RAD51B: variants seen among roughly 807,000 people sequenced by gnomAD.
The protein encoded by RAD51B is RAD51 paralog B, also known as DNA repair protein RAD51 homolog 2.
Under a neutral mutation model 42.2 loss-of-function variants are expected in RAD51B, and 38 were observed. The observed-to-expected ratio is 0.90, with a 90% CI of 0.70 to 1.18. The LOEUF (loss-of-function observed/expected upper bound fraction) is 1.18, where lower values mean the gene tolerates loss of function less well. Ranked by LOEUF, RAD51B falls within the 50% of genes most tolerant of loss-of-function variation. The pLI, the probability that RAD51B is intolerant of heterozygous loss-of-function variation, is 0.00. For missense variants in RAD51B, 373 were observed against 400.7 expected, an observed-to-expected ratio of 0.93 and a Z score of 0.59; for synonymous variants, 154 against 145.2, an observed-to-expected ratio of 1.06 and a Z score of -0.43.
At chr14:68,548,995 G>A (rs1888376702) in intron 10 of RAD51B, among the ~76,000 whole-genome samples, 1 of 152,170 alleles carries the variant, frequency 6.6e-6, no homozygotes. Flanking sequence ...TTTGATTACA[G>A]GACCCCTGAG....
At chr14:68,306,608 AT>A (rs1566797647) in intron 8 of RAD51B, 1 of 515,412 alleles carries the variant, frequency 1.9e-6, no homozygotes, top group Non-Finnish European at 3.9e-6. Context: ...CACAGTGAGC[AT>A]GGAAGAAATA....
intron 10 of RAD51B, among the ~76,000 whole-genome samples, chr14:68,519,575 C>T (rs1415920089): frequency 2.0e-5 from 3 of 152,148 alleles, no homozygotes; most frequent in Non-Finnish European, 4.4e-5. Context: ...TCTCAGCTAC[C>T]CACTGACAAC....
At chr14:68,244,702 G>A (rs1012310256) in intron 7 of RAD51B, among the ~76,000 whole-genome samples, 1 of 152,172 alleles carries the variant, frequency 6.6e-6, no homozygotes, top group African/African-American at 2.4e-5. Flanking sequence ...AACAAAAGAT[G>A]GAAAAGTTGT....
chr14:68,412,928 C>T (rs7359127), intron 9 of RAD51B, among the ~76,000 whole-genome samples: 1 of 152,152 alleles, frequency 6.6e-6, no homozygotes, highest in Non-Finnish European at 1.5e-5. Context: ...AGCAAAATTC[C>T]TTGTGAATCA....
chr14:68,611,253 C>G (rs1400947900), exon 11 of RAD51B: 1 of 702,262 alleles, frequency 1.4e-6, no homozygotes, highest in Non-Finnish European at 2.6e-6. Flanking sequence ...TGTAACCCAG[C>G]CTAGTTTTTC....
intron 7 of RAD51B, among the ~76,000 whole-genome samples, chr14:68,169,279 G>A (rs1192238900): frequency 6.6e-6 from 1 of 152,096 alleles, no homozygotes; most frequent in Non-Finnish European, 1.5e-5. Flanking sequence ...CCAGACCAGA[G>A]TCATATTCTG....
chr14:67,840,388 G>A (rs2041387063), intron 4 of RAD51B, among the ~76,000 whole-genome samples: 1 of 152,064 alleles, frequency 6.6e-6, no homozygotes, highest in Non-Finnish European at 1.5e-5. Context: ...GCAGTCTTTG[G>A]TTTTCTGTTC....
intron 7 of RAD51B, among the ~76,000 whole-genome samples, chr14:68,092,051 G>C (rs965947630): frequency 1.3e-5 from 2 of 150,772 alleles, no homozygotes; most frequent in Non-Finnish European, 2.9e-5. Flanking sequence ...CTGTTCCATC[G>C]GTCTATATCT....
At chr14:68,150,080 G>C (rs1330765487) in intron 7 of RAD51B, among the ~76,000 whole-genome samples, 1 of 152,094 alleles carries the variant, frequency 6.6e-6, no homozygotes. Context: ...AAGTAGTTGG[G>C]ATTACAGGTA....
intron 8 of RAD51B, among the ~76,000 whole-genome samples, chr14:68,381,829 G>C (rs1423427264): frequency 1.3e-5 from 2 of 152,186 alleles, no homozygotes; most frequent in Non-Finnish European, 2.9e-5. Context: ...ACCCCTTCCA[G>C]TTGCTCTTAT....
chr14:68,320,357 A>G (rs953104758), intron 8 of RAD51B, among the ~76,000 whole-genome samples: 10 of 152,224 alleles, frequency 6.6e-5, no homozygotes, highest in African/African-American at 2.2e-4. Context: ...TTATTACAAC[A>G]TTTTTGTAGT....
At chr14:68,632,343 C>T (rs947326670) in intron 10 of RAD51B, among the ~76,000 whole-genome samples, 2 of 152,198 alleles carry the variant, frequency 1.3e-5, no homozygotes, top group Admixed American at 6.5e-5. Context: ...CCTAGAAGCA[C>T]TCTCTGATCC....
chr14:68,092,734 A>G lies in RAD51B; in HGVS notation c.757-199150A>G, dbSNP rs565848421. 5.1e-3 allele frequency among the ~76,000 whole-genome samples: 775 copies of G among 152,166 alleles called. 11 individuals carry two copies. Among genetic ancestry groups the G allele is most frequent in the African/African-American group, 0.018 (737 of 41,516 alleles). On this transcript the variant is annotated intron_variant, in intron 7 of 10. Coordinates refer to ENST00000471583, the MANE Select transcript of RAD51B (RefSeq NM_133510.4). ...TGCCCTGACCAGAACTTCCAACACT[A>G]TGTTGAATAGGAGTGGTGAGAGAGG...
At chr14:68,559,124 T>C (rs1250822127) in intron 10 of RAD51B, among the ~76,000 whole-genome samples, 1 of 151,724 alleles carries the variant, frequency 6.6e-6, no homozygotes, top group African/African-American at 2.4e-5. Flanking sequence ...TGTGTGCATA[T>C]ATATATATAC....
At chr14:68,127,899 T>C (rs437585) in intron 7 of RAD51B, among the ~76,000 whole-genome samples, 44,181 of 151,970 alleles carry the variant, frequency 0.29, 9,123 homozygotes, top group African/African-American at 0.59. Context: ...TTGTGTCCCC[T>C]AGGAATGTAA....
intron 7 of RAD51B, among the ~76,000 whole-genome samples, chr14:68,198,247 T>G (rs1169262413): frequency 6.6e-6 from 1 of 152,180 alleles, no homozygotes; most frequent in African/African-American, 2.4e-5. Flanking sequence ...AATTATCAAT[T>G]TACTGCATAT....
At chr14:68,497,674 A>T (rs1266687006) in intron 10 of RAD51B, 3 of 412,940 alleles carry the variant, frequency 7.3e-6, no homozygotes, top group Non-Finnish European at 1.1e-5. Context: ...ACCATTATGC[A>T]AGTGTTCCTA....
At chr14:68,563,394 G>A (rs1053194536) in intron 10 of RAD51B, 11 of 985,144 alleles carry the variant, frequency 1.1e-5, no homozygotes, top group Admixed American at 6.2e-5. Flanking sequence ...CTTTCTTCCC[G>A]CCCCCCAAGT....
At chr14:67,873,224 A>T (rs1019603150) in intron 5 of RAD51B, among the ~76,000 whole-genome samples, 13 of 152,216 alleles carry the variant, frequency 8.5e-5, no homozygotes, top group Non-Finnish European at 1.9e-4. Flanking sequence ...ATCTACAATG[A>T]ACTCAAACAA....
Sources: allele counts gnomAD v4.1 joint callset (sites outside exome capture counted in the v4.1 genomes callset), GRCh38; gene constraint gnomAD v4.1.1; transcripts MANE v1.5; gene names NCBI Gene and HGNC (gene_info 2026-07-23, HGNC 2026-07-21).